Variants in UROD observed in about 807,000 individuals in gnomAD.
The protein encoded by UROD is uroporphyrinogen III decarboxylase.
A neutral mutation model predicts 47.1 loss-of-function variants in UROD; 34 were observed. The ratio of observed to expected loss-of-function variants is 0.72; its 90% CI spans 0.55 to 0.96. The LOEUF is 0.96. UROD is among the 40% of genes least tolerant of loss of function. UROD has a pLI of 0.00. For missense variants in UROD, 381 were observed against 471.8 expected (o/e 0.81, Z 1.78); for synonymous variants, 148 against 175.8 (o/e 0.84, Z 1.25).
At chr1:45,012,607 G>A (rs1382714473) in intron 1 of UROD, 3 of 623,026 alleles carry the variant, frequency 4.8e-6, no homozygotes, top group African/African-American at 1.8e-5. Context: ...TCACTAGTTC[G>A]AAGACCCCCA....
chr1:45,014,156 G>A, intron 6 of UROD, 86 bp downstream of exon 6: 1 of 1,594,050 alleles, frequency 6.3e-7, no homozygotes, highest in South Asian at 1.1e-5. Flanking sequence ...GAGGGCAGGG[G>A]TCTTAATGCC....
At chr1:45,012,736 C>A in intron 1 of UROD, 171 bp from the exon 2 acceptor site, 1 of 1,411,690 alleles carries the variant, frequency 7.1e-7, no homozygotes, top group South Asian at 1.3e-5. Flanking sequence ...GGAGTTTGTG[C>A]ACCACCTGAT....
At position 45,013,990 on chromosome 1, in the gene UROD, C is replaced by A; in HGVS notation, c.556C>A (p.Gln186Lys). 1 of 1,614,240 alleles carries A rather than the reference C, an allele frequency of 6.2e-7. No homozygotes were observed. The highest frequency in any genetic ancestry group is 8.5e-7 in the Non-Finnish European group (1 of 1,180,048). Residue 186 changes from glutamine to lysine, a missense_variant, in exon 6 of 10, where the codon CAG becomes AAG. Gln to Lys is a moderately conservative substitution (Grantham distance 53). Transcript: ENST00000246337. The surrounding 1 kb of genome is among the most constrained non-coding windows in gnomAD (Gnocchi z 4.2). ...QAKRWLYQRP[Q>K]ASHQLLRILT... ...CAAGCGCTGGCTCTATCAGAGACCT[C>A]AGGCTAGTCACCAGCTGCTTCGCAT...
chr1:45,015,108 C>T (rs1451652822), intron 9 of UROD, 102 bp downstream of exon 9: 3 of 1,572,328 alleles, frequency 1.9e-6, no homozygotes, highest in Non-Finnish European at 8.7e-7. Flanking sequence ...CTGTCCTTTT[C>T]TTCTACTCTG....
At chr1:45,012,660 T>C (rs2148981884) in intron 1 of UROD, 1 of 727,532 alleles carries the variant, frequency 1.4e-6, no homozygotes, top group African/African-American at 1.8e-5. Flanking sequence ...CCAGTCCCTC[T>C]GGTTGCTTCG....
chr1:45,013,855 CA>C lies in UROD; in HGVS notation c.475-50del. On this transcript the variant is annotated intron_variant, in intron 5 of 9. Transcript: ENST00000246337. This position sits in a 1 kb window ranked among gnomAD's most constrained non-coding sequence, Gnocchi z 4.2. The stretch of plus-strand genomic sequence containing the variant: ...ATCACTCTGGAAGGTCTGGGGTAGA[CA>C]AAAGGAAGGGTCAGTCTGGCTTCTG... 1 of 1,614,202 alleles carries C rather than the reference CA, an allele frequency of 6.2e-7. No individual in the cohort carries two copies. Among genetic ancestry groups the C allele is most frequent in the Non-Finnish European group, 8.5e-7 (1 of 1,180,042 alleles).
rs773864521 is a variant in UROD at position 45,013,887 on chromosome 1, C to A, written c.475-22C>A. The A allele has an allele frequency of 1.2e-6, 2 of 1,614,226 alleles. No individual in the cohort carries two copies. The highest frequency in any genetic ancestry group is 2.2e-5 in the South Asian group (2 of 91,090). ...AAGGGTCAGTCTGGCTTCTGTGACA[C>A]CATCTTTCTATCCTTCTCTAGTGGA... On this transcript the variant is annotated intron_variant, in intron 5 of 9. Coordinates refer to ENST00000246337, the MANE Select transcript of UROD (RefSeq NM_000374.5). This position sits in a 1 kb window ranked among gnomAD's most constrained non-coding sequence, Gnocchi z 4.2.
In UROD at chr1:45,012,357, C is replaced by T. The variant is rs1443567575; in HGVS notation, c.20+72C>T. 1.9e-6 allele frequency: 3 copies of T among 1,605,310 alleles called. No homozygotes were observed. The African/African-American group carries it at 4.0e-5, about 21-fold the overall frequency. On this transcript the variant is annotated intron_variant, in intron 1 of 9. Coordinates refer to ENST00000246337, the MANE Select transcript of UROD (RefSeq NM_000374.5). ...GAGTCTTCCAACTCAGGACTCTATC[C>T]CTCTACTCCCCTTTCCCCACCCTGG...
At position 45,014,436 on chromosome 1, in the gene UROD, T is replaced by A. The variant is rs1644831659; in HGVS notation, c.637-3T>A. ...ATATTTTTCTTCACCATACCCTAAC[T>A]AGGCATTGCAGCTGTTTGAGTCCCA... On this transcript the variant is annotated splice_region_variant and splice_polypyrimidine_tract_variant and intron_variant, in intron 6 of 9. Coordinates refer to ENST00000246337, the MANE Select transcript of UROD (RefSeq NM_000374.5). The A allele has an allele frequency of 6.2e-7, 1 of 1,614,216 alleles. No individual in the cohort carries two copies. The highest frequency in any genetic ancestry group is 8.5e-7 in the Non-Finnish European group (1 of 1,180,046).
intron 1 of UROD, chr1:45,012,646 C>T (rs770310674): frequency 9.2e-5 from 62 of 675,786 alleles, no homozygotes; most frequent in Non-Finnish European, 1.3e-4. Flanking sequence ...TTCATTCCCT[C>T]CCCCCAGTCC....
chr1:45,014,086 G>C lies in UROD; in HGVS notation c.636+16G>C. On this transcript the variant is annotated intron_variant, in intron 6 of 9. Transcript: ENST00000246337. ...TGGTGCCCAGGTGAGTCCTGAGAGAGAGAGAAATAGGCTGGGATTTGGTCT... is the reference window on the plus strand; with the variant it reads ...TGGTGCCCAGGTGAGTCCTGAGAGACAGAGAAATAGGCTGGGATTTGGTCT... 6.2e-7 allele frequency: 1 copy of C among 1,614,180 alleles called. No homozygotes were observed. The highest frequency in any genetic ancestry group is 8.5e-7 in the Non-Finnish European group (1 of 1,180,038).
At chr1:45,015,253 T>C in intron 9 of UROD, 84 bp from the exon 10 acceptor site, 1 of 1,568,410 alleles carries the variant, frequency 6.4e-7, no homozygotes, top group Non-Finnish European at 8.7e-7. Context: ...GAAGCATGCC[T>C]ACATATGCGT....
chr1:45,014,687 T>A, intron 7 of UROD, 49 bp from the exon 8 acceptor site: 2 of 1,613,552 alleles, frequency 1.2e-6, no homozygotes, highest in African/African-American at 1.3e-5. Context: ...CAAGAAAGAT[T>A]AGTGGTTGTA....
At chr1:45,012,853 C>T (rs561569250) in intron 1 of UROD, 54 bp from the exon 2 acceptor site, 28 of 1,607,136 alleles carry the variant, frequency 1.7e-5, no homozygotes, top group Admixed American at 5.1e-5. Flanking sequence ...CGCGCTTTCC[C>T]CAGCCTCCAG....
At chr1:45,014,627 T>C (rs1557735147) in intron 7 of UROD, 51 bp downstream of exon 7, 1 of 1,613,928 alleles carries the variant, frequency 6.2e-7, no homozygotes, top group Admixed American at 1.7e-5. Context: ...GCTTTCAGGC[T>C]AAGTCCTGCA....
In UROD at chr1:45,013,549, T is replaced by C. The variant is rs868481898; in HGVS notation, c.277-45T>C. On this transcript the variant is annotated intron_variant, in intron 4 of 9. Transcript: ENST00000246337. This position sits in a 1 kb window ranked among gnomAD's most constrained non-coding sequence, Gnocchi z 4.2. ...GGAATGAGCTGAACAGAACCTTTCC[T>C]CCTGGATTCCATTTTGGGAACCCAG... 6.2e-7 allele frequency: 1 copy of C among 1,613,482 alleles called. No homozygotes were observed. The highest frequency in any genetic ancestry group is 1.6e-4 in the Middle Eastern group (1 of 6,062).
chr1:45,013,218 G>A lies in UROD; in HGVS notation c.213+3G>A. 1 of 1,614,182 alleles carries A rather than the reference G, an allele frequency of 6.2e-7. No homozygotes were observed. The highest frequency in any genetic ancestry group is 8.5e-7 in the Non-Finnish European group (1 of 1,180,042). ...CCTGCTGTGAACTGACTCTGCAGGT[G>A]AGGGGTCCACAAAAGAGGGAAAGAT... On this transcript the variant is annotated splice_donor_region_variant and intron_variant, in intron 3 of 9. Coordinates refer to ENST00000246337, the MANE Select transcript of UROD (RefSeq NM_000374.5). The surrounding 1 kb of genome is among the most constrained non-coding windows in gnomAD (Gnocchi z 4.2).
In UROD at chr1:45,014,468, G is replaced by A; in HGVS notation, c.666G>A (p.Gly222=). ...QALQLFESHA[G]HLGPQLFNKF... The stretch of plus-strand genomic sequence containing the variant: ...TGCAGCTGTTTGAGTCCCATGCAGG[G>A]CATCTTGGCCCACAGCTCTTCAACA... The change falls in exon 7 of 10, where the codon GGG becomes GGA. Residue 222 remains glycine, a synonymous_variant. Coordinates refer to ENST00000246337, the MANE Select transcript of UROD (RefSeq NM_000374.5). 1 of 1,614,176 alleles carries A rather than the reference G, an allele frequency of 6.2e-7. No individual in the cohort carries two copies. Among genetic ancestry groups the A allele is most frequent in the Non-Finnish European group, 8.5e-7 (1 of 1,180,036 alleles).
At position 45,012,979 on chromosome 1, in the gene UROD, T is replaced by C. The variant is rs758241800; in HGVS notation, c.93T>C (p.Thr31=). 63 of 1,609,698 alleles carry C rather than the reference T, an allele frequency of 3.9e-5. 1 individual carries two copies. The South Asian group carries it at 6.9e-4, about 18-fold the overall frequency. Residue 31 remains threonine, a synonymous_variant, in exon 2 of 10, where the codon ACT becomes ACC. Transcript: ENST00000246337. The part of the protein sequence containing the change: ...RAAWGEETDY[T]PVWCMRQAGR... ...CCTGGGGAGAGGAAACAGACTACAC[T>C]CCCGTTTGGTGCATGCGCCAGGCAG...
Sources: allele counts gnomAD v4.1 joint callset, GRCh38; gene constraint gnomAD v4.1.1; non-coding constraint Gnocchi (gnomAD v3.1); transcripts MANE v1.5; gene names NCBI Gene and HGNC (gene_info 2026-07-23, HGNC 2026-07-21).